Variants in AQP4 observed in about 807,000 individuals in gnomAD.
The protein encoded by AQP4 is aquaporin 4, also known as aquaporin-4.
A neutral mutation model predicts 27.8 loss-of-function variants in AQP4; 18 were observed. The ratio of observed to expected loss-of-function variants is 0.65; its 90% confidence interval spans 0.45 to 0.96. The LOEUF (loss-of-function observed/expected upper bound fraction) is 0.96. AQP4 is among the 40% of genes least tolerant of loss of function. The pLI is 0.00. For missense variants in AQP4, 412 were observed against 408.2 expected, an observed-to-expected ratio of 1.01 and a Z score of -0.08; for synonymous variants, 141 against 142.9, an observed-to-expected ratio of 0.99 and a Z score of 0.10.
rs2054774025 is a variant in AQP4 at position 26,852,825 on chromosome 18, A to G, written c.*3386T>C. 3 of 398,516 alleles carry G rather than the reference A, an allele frequency of 7.5e-6. No homozygotes were observed. The East Asian group carries it at 1.1e-4, about 14-fold the overall frequency. 24.7% of individuals were successfully genotyped at this position (398,516 alleles called of 1,614,324 possible). ...TATGAGAATTTATATTGGCTTTTAT[A>G]TTGTTTGATAAGGTTGTCTGTGCCC... On this transcript the variant is annotated 3_prime_UTR_variant, in exon 5 of 5. Transcript: ENST00000383168.
rs2054972295 is a variant in AQP4, at chr18:26,862,533, T to G, written c.96A>C (p.Gln32His). 2 of 1,614,198 alleles carry G rather than the reference T, an allele frequency of 1.2e-6. No homozygotes were observed. The highest frequency in any genetic ancestry group is 1.7e-6 in the Non-Finnish European group (2 of 1,180,044). The change falls in exon 2 of 5, where the codon CAA (glutamine) becomes CAC (histidine). Residue 32 changes from glutamine (Q) to histidine (H), a missense_variant. Physicochemically the swap from Gln to His is conservative, Grantham distance 24. Transcript: ENST00000383168. ...IMVAFKGVWT[Q>H]AFWKAVTAEF... ...CCGCTGTGACTGCTTTCCAGAAAGC[T>G]TGAGTCCAGACCCCTTTGAAAGCCA...
intron 4 of AQP4, among the ~76,000 whole-genome samples, chr18:26,860,238 A>G (rs1211007631): frequency 1.3e-5 from 2 of 152,198 alleles, no homozygotes; most frequent in African/African-American, 2.4e-5. Flanking sequence ...TATTTATTCG[A>G]CACCATCTGC....
At position 26,862,489 on chromosome 18, in the gene AQP4, A is replaced by C; in HGVS notation, c.140T>G (p.Ile47Ser). The C allele has an allele frequency of 6.2e-7, 1 of 1,614,242 alleles. No individual in the cohort carries two copies. The highest frequency in any genetic ancestry group is 8.5e-7 in the Non-Finnish European group (1 of 1,180,040). Residue 47 changes from isoleucine (I) to serine (S), a missense_variant, in exon 2 of 5, where the codon ATT becomes AGT. Coordinates refer to ENST00000383168, the MANE Select transcript of AQP4 (RefSeq NM_001650.7). The part of the protein sequence containing the change: ...AVTAEFLAML[I>S]FVLLSLGSTI... ...GGATCCCAGGCTGAGGAGAACAAAA[A>C]TAAGCATGGCCAGAAATTCCGCTGT...
At chr18:26,861,099 G>A in intron 3 of AQP4, 32 bp downstream of exon 3, 1 of 1,611,172 alleles carries the variant, frequency 6.2e-7, no homozygotes, top group African/African-American at 1.3e-5. Flanking sequence ...AATGAGGTGG[G>A]ATTGATTATT....
intron 4 of AQP4, among the ~76,000 whole-genome samples, chr18:26,857,466 A>G (rs1421536344): frequency 6.6e-6 from 1 of 152,012 alleles, no homozygotes; most frequent in Non-Finnish European, 1.5e-5. Context: ...AGCTGGGACT[A>G]CAGGTGCCCG....
rs371959559 is a variant in AQP4, at chr18:26,861,141, T to C, written c.602A>G (p.His201Arg). 2 of 1,613,946 alleles carry C rather than the reference T, an allele frequency of 1.2e-6. No homozygotes were observed. The highest frequency in any genetic ancestry group is 2.7e-5 in the African/African-American group (2 of 74,918). Residue 201 changes from histidine to arginine, a missense_variant, in exon 3 of 5, where the codon CAT becomes CGT. Physicochemically the swap from His to Arg is conservative, Grantham distance 29. Coordinates refer to ENST00000383168, the MANE Select transcript of AQP4 (RefSeq NM_001650.7). ...GACTTGGAAACTTACTGCAAATAAA[T>C]GTCCAATTGCAACAGAAAATCCAAT... ...LAIGFSVAIGHLFAINYTGAS... is the reference protein window; with the variant it reads ...LAIGFSVAIGRLFAINYTGAS...
At chr18:26,862,027 G>A in intron 2 of AQP4, 155 bp downstream of exon 2, 1 of 854,394 alleles carries the variant, frequency 1.2e-6, no homozygotes, top group Non-Finnish European at 1.9e-6. Flanking sequence ...CCTAAATACT[G>A]CCAGAATCAG....
intron 4 of AQP4, among the ~76,000 whole-genome samples, chr18:26,858,006 C>T (rs1209269090): frequency 6.6e-6 from 1 of 152,106 alleles, no homozygotes; most frequent in Non-Finnish European, 1.5e-5. Flanking sequence ...CACAGTGGCT[C>T]ACACCTGTAA....
chr18:26,861,030 G>GA, intron 3 of AQP4, 101 bp downstream of exon 3: 1 of 1,466,292 alleles, frequency 6.8e-7, no homozygotes, highest in Non-Finnish European at 9.5e-7. Context: ...GTCATGGCTG[G>GA]ATACTAAAGA....
rs759368377 is a variant in AQP4, at chr18:26,856,320, T to C, written c.863A>G (p.Glu288Gly). ...MEVEDNRSQV[E>G]TDDLILKPGV... ...AGGTTTTAGAATCAGGTCATCCGTC[T>C]CTACCTGACTCCTGTTGTCCTCCAC... Residue 288 changes from glutamate (E) to glycine (G), a missense_variant, in exon 5 of 5, where the codon GAG (glutamate) becomes GGG (glycine). By Grantham distance (98) the Glu-to-Gly change is moderately conservative. Transcript: ENST00000383168. 3 of 1,614,228 alleles carry C rather than the reference T, an allele frequency of 1.9e-6. No individual in the cohort carries two copies. The Admixed American group carries it at 5.0e-5, about 27-fold the overall frequency.
chr18:26,858,038 A>G (rs1342795770), intron 4 of AQP4, among the ~76,000 whole-genome samples: 2 of 152,120 alleles, frequency 1.3e-5, no homozygotes, highest in Non-Finnish European at 2.9e-5. Context: ...TAAGAGGCCA[A>G]GGTGGGTGGA....
At chr18:26,861,717 G>A (rs1446099322) in intron 2 of AQP4, among the ~76,000 whole-genome samples, 1 of 151,930 alleles carries the variant, frequency 6.6e-6, no homozygotes, top group Non-Finnish European at 1.5e-5. Context: ...AATCAGCCCT[G>A]GTGCTGAGTT....
intron 4 of AQP4, among the ~76,000 whole-genome samples, chr18:26,857,810 T>C (rs1014521710): frequency 2.0e-5 from 3 of 152,198 alleles, no homozygotes; most frequent in Non-Finnish European, 4.4e-5. Flanking sequence ...CTTGGCACTT[T>C]TCTTGTATAA....
intron 1 of AQP4, among the ~76,000 whole-genome samples, chr18:26,864,186 T>C (rs12968026): frequency 0.094 from 14,303 of 152,232 alleles, 851 homozygotes; most frequent in Non-Finnish European, 0.12. Context: ...GGCTTTCCCT[T>C]TGACAAATTG....
At chr18:26,858,909 AC>A (rs2054890494) in intron 4 of AQP4, among the ~76,000 whole-genome samples, 1 of 152,206 alleles carries the variant, frequency 6.6e-6, no homozygotes, top group African/African-American at 2.4e-5. Flanking sequence ...TATACAAAAA[AC>A]CCAATTAATA....
chr18:26,864,347 A>C (rs1208801141), intron 1 of AQP4, among the ~76,000 whole-genome samples: 1 of 152,076 alleles, frequency 6.6e-6, no homozygotes, highest in African/African-American at 2.4e-5. Context: ...AGAGGTGGAG[A>C]GAGAAAAACC....
At position 26,862,143 on chromosome 18, in the gene AQP4, A is replaced by G. The variant is rs72557970; in HGVS notation, c.447+39T>C. ...ATTATTTAGCAAAGAGTTTGCAAGA[A>G]GCTTGGAGTCCTAGTTTGAAAATAG... On this transcript the variant is annotated intron_variant, in intron 2 of 4. Coordinates refer to ENST00000383168, the MANE Select transcript of AQP4 (RefSeq NM_001650.7). 943 of 1,608,496 alleles carry G rather than the reference A, an allele frequency of 5.9e-4. 3 individuals are homozygous for G. In the African/African-American group the frequency reaches 9.7e-3, roughly 17 times the overall value.
At chr18:26,860,743 A>G in intron 4 of AQP4, 29 bp downstream of exon 4, 2 of 1,578,152 alleles carry the variant, frequency 1.3e-6, no homozygotes, top group Non-Finnish European at 1.7e-6. Context: ...CAACTGTAGG[A>G]AGATGGGAAC....
chr18:26,858,113 CAA>C (rs941757616), intron 4 of AQP4, among the ~76,000 whole-genome samples: 3 of 150,484 alleles, frequency 2.0e-5, no homozygotes, highest in African/African-American at 7.3e-5. Flanking sequence ...CTACAAAATA[CAA>C]AAAAAAATTA....
Sources: allele counts gnomAD v4.1 joint callset (sites outside exome capture counted in the v4.1 genomes callset), GRCh38; gene constraint gnomAD v4.1.1; transcripts MANE v1.5; gene names NCBI Gene and HGNC (gene_info 2026-07-23, HGNC 2026-07-21).